Variants in PTPRN2 observed in about 807,000 individuals in gnomAD.
PTPRN2 encodes the protein receptor-type tyrosine-protein phosphatase N2.
PTPRN2 carries 74 observed loss-of-function variants against 118.8 expected under a neutral mutation model. That is an observed-to-expected ratio of 0.62 (90% CI 0.52 to 0.76). PTPRN2 has a LOEUF of 0.76. Ranked by LOEUF, PTPRN2 falls within the 30% of genes least tolerant of loss-of-function variation. PTPRN2 has a pLI of 0.00. For synonymous variants in PTPRN2, 641 were observed against 608.0 expected, an observed-to-expected ratio of 1.05 and a Z score of -0.80; for missense variants, 1,481 against 1,394.4, an observed-to-expected ratio of 1.06 and a Z score of -0.99.
chr7:158,463,593 A>G (rs1296204927), intron 2 of PTPRN2, among the ~76,000 whole-genome samples: 1 of 151,462 alleles, frequency 6.6e-6, no homozygotes, highest in African/African-American at 2.4e-5. Flanking sequence ...TATCACCGTC[A>G]CCATCATCAT....
At chr7:157,621,568 G>T in intron 14 of PTPRN2, 59 bp from the exon 15 acceptor site, 1 of 1,592,656 alleles carries the variant, frequency 6.3e-7, no homozygotes, top group South Asian at 1.1e-5. Context: ...ACCGGCAGAT[G>T]CACAAAAGGC....
chr7:158,549,988 C>T lies in PTPRN2; in HGVS notation c.112+37570G>A, dbSNP rs181314191. Among the ~76,000 whole-genome samples the T allele has an allele frequency of 4.9e-4, 74 of 152,344 alleles. 1 individual carries two copies. The highest frequency in any genetic ancestry group is 3.4e-3 in the Middle Eastern group (1 of 294). ...TGCCCTCGTCCTGGGGTCTGTGCCGCGCCTCGCCGTCCTCCCCTGGAACTC... is the reference window on the plus strand; with the variant it reads ...TGCCCTCGTCCTGGGGTCTGTGCCGTGCCTCGCCGTCCTCCCCTGGAACTC... On this transcript the variant is annotated intron_variant, in intron 1 of 22. Coordinates refer to ENST00000389418, the MANE Select transcript of PTPRN2 (RefSeq NM_002847.5).
chr7:157,599,155 G>C (rs996687648), intron 16 of PTPRN2, among the ~76,000 whole-genome samples: 5 of 152,002 alleles, frequency 3.3e-5, no homozygotes, highest in African/African-American at 1.2e-4. Context: ...GATTACAGGC[G>C]TGTGCCACCA....
intron 1 of PTPRN2, among the ~76,000 whole-genome samples, chr7:158,576,414 A>T (rs1828318951): frequency 6.6e-6 from 1 of 152,244 alleles, no homozygotes; most frequent in Non-Finnish European, 1.5e-5. Context: ...TGTGAGCCAG[A>T]AAAAGGGCTG....
chr7:157,946,531 G>T (rs1347898536), intron 11 of PTPRN2, among the ~76,000 whole-genome samples: 1 of 152,170 alleles, frequency 6.6e-6, no homozygotes, highest in Non-Finnish European at 1.5e-5. Flanking sequence ...AGATGTGAAG[G>T]CCCACAGCAG....
chr7:158,340,439 A>C (rs1270361250), intron 2 of PTPRN2, among the ~76,000 whole-genome samples: 3 of 46,048 alleles, frequency 6.5e-5, no homozygotes, highest in Non-Finnish European at 1.2e-4. Context: ...TCTCACCGTA[A>C]GAGCTGACAC....
chr7:157,887,011 G>A (rs1305526961), intron 12 of PTPRN2, among the ~76,000 whole-genome samples: 2 of 151,212 alleles, frequency 1.3e-5, no homozygotes, highest in Admixed American at 1.3e-4. Context: ...TTGTCACACA[G>A]CCAAGCCCAC....
chr7:158,202,544 A>G (rs1443211982), intron 4 of PTPRN2, among the ~76,000 whole-genome samples: 1 of 152,174 alleles, frequency 6.6e-6, no homozygotes, highest in Non-Finnish European at 1.5e-5. Context: ...CACCAAAGCC[A>G]GAGGCCCAGA....
rs113627193 is a variant in PTPRN2, at chr7:157,830,034, C to G, written c.1788+68639G>C. On this transcript the variant is annotated intron_variant, in intron 12 of 22. Transcript: ENST00000389418. ...CTGGTCTGCAGTATCCTCTCTCCCC[C>G]GTGTTACCACCCCCTCCTGCCCCAC... Among the ~76,000 whole-genome samples the G allele has an allele frequency of 4.5e-4, 69 of 152,278 alleles. 1 individual carries two copies. Among genetic ancestry groups the G allele is most frequent in the African/African-American group, 1.6e-3 (68 of 41,562 alleles).
chr7:157,775,885 A>G (rs2151036381), intron 12 of PTPRN2, among the ~76,000 whole-genome samples: 1 of 152,134 alleles, frequency 6.6e-6, no homozygotes, highest in East Asian at 1.9e-4. Context: ...CATGACCTAC[A>G]GTAACGCCGC....
chr7:158,187,561 C>G lies in PTPRN2; in HGVS notation c.549+4766G>C, dbSNP rs187157091. ...TGCTTATTCAGTCTTTGTTCATTAGCAAGATGACTAAGAGCTTTCTCCTCA... is the reference window on the plus strand; with the variant it reads ...TGCTTATTCAGTCTTTGTTCATTAGGAAGATGACTAAGAGCTTTCTCCTCA... On this transcript the variant is annotated intron_variant, in intron 5 of 22. Transcript: ENST00000389418. Among the ~76,000 whole-genome samples, 15 of 152,292 alleles carry G rather than the reference C, an allele frequency of 9.8e-5. No homozygotes were observed. In the East Asian group the frequency reaches 2.9e-3, roughly 29 times the overall value.
chr7:158,104,107 C>G (rs1425403196), intron 10 of PTPRN2, among the ~76,000 whole-genome samples: 1 of 152,116 alleles, frequency 6.6e-6, no homozygotes, highest in Non-Finnish European at 1.5e-5. Context: ...ATGATCCACC[C>G]GCCTCAGCCT....
chr7:158,524,834 T>G (rs1002877682), intron 1 of PTPRN2, among the ~76,000 whole-genome samples: 3 of 152,180 alleles, frequency 2.0e-5, no homozygotes, highest in Admixed American at 1.3e-4. Context: ...TACACTTGGC[T>G]TTCACAGCCC....
At chr7:158,068,991 T>C (rs1810998307) in intron 11 of PTPRN2, among the ~76,000 whole-genome samples, 1 of 152,216 alleles carries the variant, frequency 6.6e-6, no homozygotes, top group Non-Finnish European at 1.5e-5. Flanking sequence ...GAGGATGTGA[T>C]AACCCTGCTG....
intron 12 of PTPRN2, chr7:157,857,877 C>T (rs1306351433): frequency 6.5e-6 from 1 of 152,908 alleles, no homozygotes; most frequent in Non-Finnish European, 1.5e-5. Context: ...GCAGGAGTGT[C>T]TGCCAGGAGC....
chr7:158,356,229 G>T (rs1167743019), intron 2 of PTPRN2, among the ~76,000 whole-genome samples: 1 of 152,084 alleles, frequency 6.6e-6, no homozygotes, highest in Non-Finnish European at 1.5e-5. Context: ...ATTTCCTCGG[G>T]AATCTAAAAT....
In PTPRN2 at chr7:158,057,766, C is replaced by T. The variant is rs1405244969; in HGVS notation, c.1723+23532G>A. On this transcript the variant is annotated intron_variant, in intron 11 of 22. Coordinates refer to ENST00000389418, the MANE Select transcript of PTPRN2 (RefSeq NM_002847.5). Reference sequence around the variant, plus strand: ...AGCTCCTCAGCGTGGCTGCTTGGGACCCCTCATCTGCCCCCATCTGCCATG... The same window carrying T: ...AGCTCCTCAGCGTGGCTGCTTGGGATCCCTCATCTGCCCCCATCTGCCATG... Among the ~76,000 whole-genome samples, 4 of 152,202 alleles carry T rather than the reference C, an allele frequency of 2.6e-5. No individual in the cohort carries two copies. In the East Asian group the frequency reaches 5.8e-4, roughly 22 times the overall value.
At chr7:157,879,381 GCACA>G (rs149240774) in intron 12 of PTPRN2, among the ~76,000 whole-genome samples, 62 of 152,140 alleles carry the variant, frequency 4.1e-4, no homozygotes, top group Admixed American at 1.4e-3. Flanking sequence ...ACGTGCATGT[GCACA>G]CACACACACT....
At chr7:158,081,250 G>A in intron 11 of PTPRN2, 48 bp downstream of exon 11, 1 of 1,476,360 alleles carries the variant, frequency 6.8e-7, no homozygotes, top group Non-Finnish European at 9.5e-7. Context: ...GCGTGTGTGT[G>A]TGCACACACG....
Sources: gnomAD v4.1 joint callset for allele counts (sites outside exome capture counted in the v4.1 genomes callset) on GRCh38, gnomAD v4.1.1 for gene constraint, MANE v1.5 for transcripts, NCBI Gene and HGNC (gene_info 2026-07-23, HGNC 2026-07-21) for gene names.